ZDHHC21: variants seen among roughly 807,000 people sequenced by gnomAD.
ZDHHC21 encodes the protein zDHHC palmitoyltransferase 21, also known as palmitoyltransferase ZDHHC21.
A neutral mutation model predicts 34.6 loss-of-function variants in ZDHHC21; 15 were observed. That is an observed-to-expected ratio of 0.43 (90% CI 0.29 to 0.67). The LOEUF (loss-of-function observed/expected upper bound fraction) is 0.67. ZDHHC21 is among the 30% of genes least tolerant of loss of function. The pLI, the probability that ZDHHC21 is intolerant of heterozygous loss-of-function variation, is 0.14. For synonymous variants in ZDHHC21, 142 were observed against 101.8 expected (o/e 1.40, Z -2.38); for missense variants, 344 against 327.7 (o/e 1.05, Z -0.38).
intron 2 of ZDHHC21, chr9:14,683,531 C>A (rs1837748426): frequency 6.6e-6 from 1 of 152,142 alleles, no homozygotes; most frequent in Non-Finnish European, 1.5e-5. Context: ...AGACCAATAA[C>A]AGGCTCTGAA....
intron 7 of ZDHHC21, among the ~76,000 whole-genome samples, chr9:14,654,071 T>A (rs1831745989): frequency 6.6e-6 from 1 of 151,776 alleles, no homozygotes. Flanking sequence ...GAATGAAAAG[T>A]CAAGTAGAAC....
At chr9:14,599,344 G>A in the ZDHHC21 span, among the ~76,000 whole-genome samples, 1 of 152,166 alleles carries the variant, frequency 6.6e-6, no homozygotes, top group Admixed American at 6.5e-5. Context: ...AGCACAAGGG[G>A]TTGGAGAACT....
the ZDHHC21 span, among the ~76,000 whole-genome samples, chr9:14,602,508 G>T: frequency 6.6e-6 from 1 of 151,686 alleles, no homozygotes; most frequent in African/African-American, 2.4e-5. Flanking sequence ...TATTAAACCT[G>T]AACAGGTCTT....
At chr9:14,686,519 TG>T (rs1209097263) in intron 2 of ZDHHC21, among the ~76,000 whole-genome samples, 1 of 152,168 alleles carries the variant, frequency 6.6e-6, no homozygotes, top group Non-Finnish European at 1.5e-5. Flanking sequence ...TATACATTTG[TG>T]GGGGGCACAG....
At chr9:14,675,560 A>T (rs1417026722) in intron 3 of ZDHHC21, among the ~76,000 whole-genome samples, 2 of 151,942 alleles carry the variant, frequency 1.3e-5, no homozygotes, top group Non-Finnish European at 1.5e-5. Context: ...CTAACACTTC[A>T]ATGTTACCAC....
chr9:14,633,452 G>C (rs1175884031), intron 8 of ZDHHC21, among the ~76,000 whole-genome samples: 1 of 152,138 alleles, frequency 6.6e-6, no homozygotes, highest in Non-Finnish European at 1.5e-5. Context: ...GCTACCTGGA[G>C]AATACATGAA....
At chr9:14,642,320 TC>T (rs1467545924) in intron 7 of ZDHHC21, among the ~76,000 whole-genome samples, 2 of 152,142 alleles carry the variant, frequency 1.3e-5, no homozygotes, top group Non-Finnish European at 2.9e-5. Flanking sequence ...CTAGAGTACA[TC>T]TTTACTTCTG....
At chr9:14,591,996 C>T in the ZDHHC21 span, among the ~76,000 whole-genome samples, 1 of 152,104 alleles carries the variant, frequency 6.6e-6, no homozygotes, top group Middle Eastern at 3.4e-3. Flanking sequence ...TTTATACAGT[C>T]TGAAAATGTT....
At chr9:14,590,952 TACA>T in the ZDHHC21 span, among the ~76,000 whole-genome samples, 2 of 152,128 alleles carry the variant, frequency 1.3e-5, no homozygotes, top group East Asian at 1.9e-4. Context: ...CAGAAAAATA[TACA>T]ACAATATGCA....
chr9:14,660,667 T>C (rs530307332), intron 6 of ZDHHC21, among the ~76,000 whole-genome samples: 75 of 152,232 alleles, frequency 4.9e-4, no homozygotes, highest in Middle Eastern at 3.4e-3. Flanking sequence ...CCCTCACTGC[T>C]ACCAACTTCT....
chr9:14,615,311 C>T lies in ZDHHC21; in HGVS notation c.*3655G>A, dbSNP rs1451043636. On this transcript the variant is annotated 3_prime_UTR_variant, in exon 10 of 10. Transcript: ENST00000380916. ...GTAACAAAGAATAGTTATCATTAGC[C>T]ATCATACTTAGAGAAAAATGCCTCT... The T allele has an allele frequency of 6.6e-6, 1 of 151,634 alleles. No homozygotes were observed. Among genetic ancestry groups the T allele is most frequent in the Non-Finnish European group, 1.5e-5 (1 of 67,658 alleles). The allele number at this position is 151,634 out of a possible 1,614,324, so 9.4% of individuals were successfully genotyped here.
chr9:14,604,763 G>A, the ZDHHC21 span, among the ~76,000 whole-genome samples: 2 of 152,112 alleles, frequency 1.3e-5, no homozygotes, highest in South Asian at 2.1e-4. Flanking sequence ...GTACGGTACT[G>A]TTAAATTTTA....
chr9:14,664,052 G>A (rs573195204), intron 5 of ZDHHC21, among the ~76,000 whole-genome samples: 22 of 152,308 alleles, frequency 1.4e-4, no homozygotes, highest in South Asian at 6.2e-4. Flanking sequence ...CTCCCAGCGT[G>A]AGCGACGCAG....
rs9775180 is a variant in ZDHHC21 at position 14,664,350 on chromosome 9, A to C, written c.254-2024T>G. 4.2e-3 allele frequency among the ~76,000 whole-genome samples: 637 copies of C among 151,526 alleles called. 3 individuals are homozygous for C. The highest frequency in any genetic ancestry group is 0.013 in the African/African-American group (553 of 41,216). ...AGACTATATCCCACACCTGGCTCGGAGGGTCCTATGCCCACGGAGTCTCGC... is the reference window on the plus strand; with the variant it reads ...AGACTATATCCCACACCTGGCTCGGCGGGTCCTATGCCCACGGAGTCTCGC... On this transcript the variant is annotated intron_variant, in intron 5 of 9. Coordinates refer to ENST00000380916, the MANE Select transcript of ZDHHC21 (RefSeq NM_178566.6).
the ZDHHC21 span, among the ~76,000 whole-genome samples, chr9:14,605,739 T>C: frequency 6.6e-6 from 1 of 152,238 alleles, no homozygotes; most frequent in Admixed American, 6.5e-5. Context: ...GCTTTTGGTG[T>C]TATCTCCAAG....
the ZDHHC21 span, chr9:14,593,730 G>A: frequency 6.6e-6 from 1 of 152,668 alleles, no homozygotes; most frequent in Admixed American, 6.5e-5. Flanking sequence ...GCCACATGCT[G>A]GTCCAGCCCA....
chr9:14,649,874 C>T (rs1333368013), intron 7 of ZDHHC21, among the ~76,000 whole-genome samples: 1 of 152,010 alleles, frequency 6.6e-6, no homozygotes, highest in Non-Finnish European at 1.5e-5. Context: ...TAACATACTT[C>T]CTTACTACAT....
At chr9:14,647,405 C>T (rs931766446) in intron 7 of ZDHHC21, among the ~76,000 whole-genome samples, 3 of 152,078 alleles carry the variant, frequency 2.0e-5, no homozygotes, top group African/African-American at 7.2e-5. Context: ...ATCCTAATCT[C>T]AATTCAAATT....
At chr9:14,632,818 A>C (rs916286554) in intron 8 of ZDHHC21, among the ~76,000 whole-genome samples, 1 of 152,170 alleles carries the variant, frequency 6.6e-6, no homozygotes, top group Non-Finnish European at 1.5e-5. Flanking sequence ...AATGGACAAC[A>C]AGCATGTGAA....
Sources: gnomAD v4.1 joint callset for allele counts (sites outside exome capture counted in the v4.1 genomes callset) on GRCh38, gnomAD v4.1.1 for gene constraint, MANE v1.5 for transcripts, NCBI Gene and HGNC (gene_info 2026-07-23, HGNC 2026-07-21) for gene names.